ALK: variants seen among roughly 807,000 people sequenced by gnomAD.
The protein encoded by ALK is ALK tyrosine kinase receptor.
A neutral mutation model predicts 163.1 loss-of-function variants in ALK; 74 were observed. The ratio of observed to expected loss-of-function variants is 0.45; its 90% CI spans 0.38 to 0.55. The LOEUF is 0.55. Among genes scored for constraint, ALK ranks in the 20% least tolerant of loss-of-function variants. ALK has a pLI of 0.00. For synonymous variants in ALK, 960 were observed against 843.2 expected, an observed-to-expected ratio of 1.14 and a Z score of -2.40; for missense variants, 2,063 against 2,105.3, an observed-to-expected ratio of 0.98 and a Z score of 0.39.
chr2:29,260,949 A>G (rs1479299046), intron 11 of ALK, among the ~76,000 whole-genome samples: 1 of 151,830 alleles, frequency 6.6e-6, no homozygotes. Flanking sequence ...TTTATTCTCT[A>G]TTATCCCTTT....
chr2:29,420,417 G>A (rs950019282), intron 4 of ALK, among the ~76,000 whole-genome samples: 2 of 151,416 alleles, frequency 1.3e-5, no homozygotes, highest in African/African-American at 4.9e-5. Context: ...TTCATGCTGA[G>A]GAGCCTCTTC....
intron 3 of ALK, among the ~76,000 whole-genome samples, chr2:29,615,754 T>C (rs1394462274): frequency 6.6e-6 from 1 of 152,352 alleles, no homozygotes; most frequent in East Asian, 1.9e-4. Context: ...TTTGCTGATA[T>C]CAGTAGGTCT....
intron 1 of ALK, among the ~76,000 whole-genome samples, chr2:29,917,363 A>G (rs1289450085): frequency 6.6e-6 from 1 of 152,230 alleles, no homozygotes; most frequent in Non-Finnish European, 1.5e-5. Flanking sequence ...AGCCCACATC[A>G]TAGAAGAGTT....
intron 3 of ALK, among the ~76,000 whole-genome samples, chr2:29,677,000 CATTT>C (rs1437128494): frequency 6.6e-6 from 1 of 151,764 alleles, no homozygotes; most frequent in African/African-American, 2.4e-5. Context: ...TTGGTAAATT[CATTT>C]GTTTGTTAAA....
At position 29,478,605 on chromosome 2, in the gene ALK, C is replaced by T. The variant is rs144902862; in HGVS notation, c.1154+53310G>A. On this transcript the variant is annotated intron_variant, in intron 4 of 28. Transcript: ENST00000389048. ...TGCTCTCAAGGCTCCTACAGACTGACGAGGAATAAGTCATACGCATACGCA... is the reference window on the plus strand; with the variant it reads ...TGCTCTCAAGGCTCCTACAGACTGATGAGGAATAAGTCATACGCATACGCA... Among the ~76,000 whole-genome samples the T allele has an allele frequency of 1.5e-4, 23 of 152,328 alleles. No individual in the cohort carries two copies. In the East Asian group the frequency reaches 1.7e-3, roughly 11 times the overall value.
chr2:29,232,719 T>C (rs1194038712), intron 14 of ALK, among the ~76,000 whole-genome samples: 1 of 152,214 alleles, frequency 6.6e-6, no homozygotes, highest in Non-Finnish European at 1.5e-5. Context: ...GGGTTGATCT[T>C]AGAGGCTGCT....
intron 3 of ALK, among the ~76,000 whole-genome samples, chr2:29,556,112 G>C (rs1673851274): frequency 6.6e-6 from 1 of 152,164 alleles, no homozygotes; most frequent in African/African-American, 2.4e-5. Context: ...TTGTACCTGT[G>C]ATAGCCCAAC....
chr2:29,384,064 T>G lies in ALK; in HGVS notation c.1155-205A>C, dbSNP rs1003863296. 5.3e-5 allele frequency among the ~76,000 whole-genome samples: 8 copies of G among 152,188 alleles called. 1 individual carries two copies. Among genetic ancestry groups the G allele is most frequent in the Admixed American group, 3.3e-4 (5 of 15,284 alleles). The stretch of plus-strand genomic sequence containing the variant: ...CTTATTTCCTTTTAGTCCAACAAAC[T>G]TAGAGATCCAATTCACGAACCCAGT... On this transcript the variant is annotated intron_variant, in intron 4 of 28. Coordinates refer to ENST00000389048, the MANE Select transcript of ALK (RefSeq NM_004304.5).
chr2:29,484,416 A>G (rs1573392651), intron 4 of ALK, among the ~76,000 whole-genome samples: 1 of 152,048 alleles, frequency 6.6e-6, no homozygotes, highest in African/African-American at 2.4e-5. Context: ...CTAGCATTTT[A>G]TTTAGGACTT....
intron 9 of ALK, among the ~76,000 whole-genome samples, chr2:29,288,471 AG>A (rs1176687856): frequency 6.6e-6 from 1 of 152,196 alleles, no homozygotes; most frequent in African/African-American, 2.4e-5. Flanking sequence ...CTGCAGGTAC[AG>A]GCTGACCTCT....
At chr2:29,266,488 TTAA>T (rs1215162756) in intron 11 of ALK, among the ~76,000 whole-genome samples, 1 of 152,172 alleles carries the variant, frequency 6.6e-6, no homozygotes, top group African/African-American at 2.4e-5. Flanking sequence ...ACATATATAT[TTAA>T]TAATAATGTT....
chr2:29,817,970 T>C (rs747485888), intron 1 of ALK, among the ~76,000 whole-genome samples: 1 of 152,202 alleles, frequency 6.6e-6, no homozygotes, highest in Non-Finnish European at 1.5e-5. Context: ...TTATGGCCAG[T>C]CCTCATCAGG....
chr2:29,760,209 A>C (rs1480847146), intron 1 of ALK, among the ~76,000 whole-genome samples: 1 of 151,928 alleles, frequency 6.6e-6, no homozygotes, highest in Admixed American at 6.6e-5. Context: ...CCCTACACAC[A>C]CACACATCCC....
chr2:29,647,866 A>G (rs1293891322), intron 3 of ALK, among the ~76,000 whole-genome samples: 3 of 150,214 alleles, frequency 2.0e-5, no homozygotes, highest in African/African-American at 7.3e-5. Context: ...ATAAACTTAG[A>G]TTCAGTTTAG....
At chr2:29,390,167 C>T (rs1669129724) in intron 4 of ALK, among the ~76,000 whole-genome samples, 1 of 152,136 alleles carries the variant, frequency 6.6e-6, no homozygotes, top group Non-Finnish European at 1.5e-5. Flanking sequence ...AACTGTTTTT[C>T]CGAGGCTTTA....
intron 4 of ALK, among the ~76,000 whole-genome samples, chr2:29,501,316 C>T (rs1172451531): frequency 6.6e-6 from 1 of 152,222 alleles, no homozygotes; most frequent in Non-Finnish European, 1.5e-5. Flanking sequence ...ACTTCCATGC[C>T]GACAATTCTC....
Position 29,920,707 on chromosome 2 carries a change from CT to C in ALK, c.-49del. 1 of 1,483,006 alleles carries C rather than the reference CT, an allele frequency of 6.7e-7. No homozygotes were observed. The highest frequency in any genetic ancestry group is 9.1e-7 in the Non-Finnish European group (1 of 1,101,600). 91.9% of individuals were successfully genotyped at this position (1,483,006 alleles called of 1,614,324 possible). A position where few individuals can be genotyped will look rare whatever the true frequency, so the allele number is the denominator to read the frequency against. On this transcript the variant is annotated 5_prime_UTR_variant, in exon 1 of 29. Coordinates refer to ENST00000389048, the MANE Select transcript of ALK (RefSeq NM_004304.5). ...ACTGCTCTCCGGGCCCAGCCTCACC[CT>C]TCGCTCTCCCCGAGATGGGAAGAGG...
At chr2:29,612,352 T>A (rs2148222341) in intron 3 of ALK, among the ~76,000 whole-genome samples, 1 of 152,294 alleles carries the variant, frequency 6.6e-6, no homozygotes, top group South Asian at 2.1e-4. Flanking sequence ...TCTGGGTGAT[T>A]ATTAAAGTCC....
chr2:29,842,916 T>C (rs939910594), intron 1 of ALK, among the ~76,000 whole-genome samples: 4 of 152,144 alleles, frequency 2.6e-5, no homozygotes, highest in Non-Finnish European at 4.4e-5. Flanking sequence ...TGTGGCAGGA[T>C]ACTGAAAGGA....
Sources: allele counts gnomAD v4.1 joint callset (sites outside exome capture counted in the v4.1 genomes callset), GRCh38; gene constraint gnomAD v4.1.1; transcripts MANE v1.5; gene names NCBI Gene and HGNC (gene_info 2026-07-23, HGNC 2026-07-21).